The following FAR1 variants were observed in gnomAD, a reference collection of about 807,000 sequenced individuals.
FAR1 encodes the protein male sterility domain-containing protein 2.
A neutral mutation model predicts 61.1 loss-of-function variants in FAR1; 22 were observed. The ratio of observed to expected loss-of-function variants is 0.36; its 90% confidence interval spans 0.26 to 0.51. The LOEUF is 0.51. Ranked by LOEUF, FAR1 falls within the 20% of genes least tolerant of loss-of-function variation. The pLI is 0.95. For missense variants in FAR1, 359 were observed against 626.9 expected (o/e 0.57, Z 4.56); for synonymous variants, 206 against 209.7 (o/e 0.98, Z 0.15).
At chr11:13,687,872 A>G (rs572111299) in intron 1 of FAR1, among the ~76,000 whole-genome samples, 2 of 146,568 alleles carry the variant, frequency 1.4e-5, no homozygotes, top group East Asian at 4.1e-4. Context: ...CAAACACCGC[A>G]TGCTCTCATA....
At chr11:13,698,219 A>G (rs766665419) in intron 2 of FAR1, among the ~76,000 whole-genome samples, 1 of 152,182 alleles carries the variant, frequency 6.6e-6, no homozygotes, top group Non-Finnish European at 1.5e-5. Context: ...TGAGTTCATT[A>G]GTCTACTGAA....
intron 3 of FAR1, 79 bp from the exon 4 acceptor site, chr11:13,707,821 T>C: frequency 9.2e-7 from 1 of 1,082,672 alleles, no homozygotes; most frequent in Non-Finnish European, 1.2e-6. Flanking sequence ...TCTCTACTTC[T>C]CTAATGAAAA....
intron 9 of FAR1, chr11:13,719,769 A>G (rs999428152): frequency 6.6e-6 from 1 of 152,208 alleles, no homozygotes; most frequent in African/African-American, 2.4e-5. Context: ...CAAGCATCTT[A>G]TAGCATGCAA....
At chr11:13,724,960 T>G (rs574247608) in intron 10 of FAR1, among the ~76,000 whole-genome samples, 94 of 152,308 alleles carry the variant, frequency 6.2e-4, no homozygotes, top group Admixed American at 1.1e-3. Context: ...GTTGCGAGAA[T>G]GGACTAATGC....
chr11:13,708,146 G>A (rs910216294), intron 4 of FAR1, 67 bp downstream of exon 4: 4 of 1,136,838 alleles, frequency 3.5e-6, no homozygotes, highest in Non-Finnish European at 3.6e-6. Flanking sequence ...GGCGGATCAT[G>A]AGGTCAGGAG....
chr11:13,684,016 A>T (rs1024702409), intron 1 of FAR1, among the ~76,000 whole-genome samples: 3 of 152,210 alleles, frequency 2.0e-5, no homozygotes, highest in African/African-American at 7.2e-5. Flanking sequence ...TATATTGTGT[A>T]TTGTACTATA....
At chr11:13,697,829 A>G (rs1165061459) in intron 2 of FAR1, among the ~76,000 whole-genome samples, 1 of 152,100 alleles carries the variant, frequency 6.6e-6, no homozygotes, top group Non-Finnish European at 1.5e-5. Context: ...CCCCATAAGG[A>G]TTGATATTCT....
chr11:13,723,148 C>T (rs1321507634), intron 10 of FAR1, among the ~76,000 whole-genome samples: 3 of 151,454 alleles, frequency 2.0e-5, no homozygotes, highest in Non-Finnish European at 4.4e-5. Flanking sequence ...AAGAATGGCT[C>T]GAGGCCAGGA....
intron 7 of FAR1, 35 bp from the exon 8 acceptor site, chr11:13,712,928 CTTA>C: frequency 1.9e-6 from 3 of 1,575,936 alleles, no homozygotes; most frequent in Non-Finnish European, 2.6e-6. Flanking sequence ...TGTTTGGCCT[CTTA>C]TTATGATTAA....
chr11:13,671,593 A>G (rs866292010), intron 1 of FAR1, among the ~76,000 whole-genome samples: 4 of 152,234 alleles, frequency 2.6e-5, no homozygotes, highest in Non-Finnish European at 5.9e-5. Flanking sequence ...GTCCTGTGCT[A>G]GAGTATATTG....
chr11:13,713,170 T>A, intron 8 of FAR1, 137 bp downstream of exon 8: 1 of 751,702 alleles, frequency 1.3e-6, no homozygotes, highest in Non-Finnish European at 2.4e-6. Flanking sequence ...GTCTTAGAAG[T>A]ATTATCTACC....
intron 9 of FAR1, chr11:13,720,742 A>T (rs1848601850): frequency 6.6e-6 from 1 of 152,076 alleles, no homozygotes; most frequent in Admixed American, 6.5e-5. Context: ...TACATGATAC[A>T]TATAATCCTA....
chr11:13,694,882 A>G lies in FAR1; in HGVS notation c.117A>G (p.Ser39=). The G allele has an allele frequency of 3.1e-6, 5 of 1,614,134 alleles. No homozygotes were observed. The highest frequency in any genetic ancestry group is 4.2e-6 in the Non-Finnish European group (5 of 1,179,962). The change falls in exon 2 of 12, where the codon TCA becomes TCG. Residue 39 remains serine (S), a synonymous_variant. Coordinates refer to ENST00000354817, the MANE Select transcript of FAR1 (RefSeq NM_032228.6). Reference sequence around the variant, plus strand: ...TGAGGTCTTGTCCTAAGGTGAATTCAGTATATGTTTTGGTGAGGCAGAAAG... The same window carrying G: ...TGAGGTCTTGTCCTAAGGTGAATTCGGTATATGTTTTGGTGAGGCAGAAAG... ...KLLRSCPKVN[S]VYVLVRQKAG...
intron 4 of FAR1, among the ~76,000 whole-genome samples, chr11:13,710,226 A>G (rs1397349443): frequency 6.6e-6 from 1 of 152,022 alleles, no homozygotes; most frequent in Non-Finnish European, 1.5e-5. Context: ...TTATATACAG[A>G]TCTGTATTTC....
At chr11:13,697,502 A>G (rs1293700514) in intron 2 of FAR1, among the ~76,000 whole-genome samples, 1 of 152,056 alleles carries the variant, frequency 6.6e-6, no homozygotes, top group Non-Finnish European at 1.5e-5. Context: ...TCATGAAGTA[A>G]ATTCAGGAAA....
At chr11:13,685,811 T>A (rs974084560) in intron 1 of FAR1, among the ~76,000 whole-genome samples, 2 of 152,174 alleles carry the variant, frequency 1.3e-5, no homozygotes, top group Admixed American at 6.5e-5. Context: ...AGCAAGAGGT[T>A]GTCTTATTTC....
intron 2 of FAR1, among the ~76,000 whole-genome samples, 198 bp from the exon 3 acceptor site, chr11:13,700,119 G>A (rs967488903): frequency 6.6e-6 from 1 of 152,016 alleles, no homozygotes; most frequent in African/African-American, 2.4e-5. Flanking sequence ...TTCCTTATCT[G>A]CAAAATGAGG....
intron 3 of FAR1, among the ~76,000 whole-genome samples, chr11:13,706,491 GTTTGTT>G (rs1477145196): frequency 6.7e-6 from 1 of 149,778 alleles, no homozygotes; most frequent in African/African-American, 2.4e-5. Context: ...CTTTTCGTTT[GTTTGTT>G]TTTATTTTTT....
At chr11:13,678,801 G>A (rs1186321778) in intron 1 of FAR1, among the ~76,000 whole-genome samples, 3 of 152,050 alleles carry the variant, frequency 2.0e-5, no homozygotes, top group African/African-American at 7.2e-5. Flanking sequence ...TTGGGATAAA[G>A]CATATAGTTT....
Sources: gnomAD v4.1 joint callset for allele counts (sites outside exome capture counted in the v4.1 genomes callset) on GRCh38, gnomAD v4.1.1 for gene constraint, MANE v1.5 for transcripts, NCBI Gene and HGNC (gene_info 2026-07-23, HGNC 2026-07-21) for gene names.